CBX3: variants seen among roughly 807,000 people sequenced by gnomAD.
CBX3 encodes chromobox protein homolog 3.
CBX3 carries 5 observed loss-of-function variants against 22.6 expected under a neutral mutation model. That is an observed-to-expected ratio of 0.22 (90% CI 0.12 to 0.47). The LOEUF (loss-of-function observed/expected upper bound fraction) is 0.47. CBX3 is among the 20% of genes least tolerant of loss of function. The pLI is 0.99. For missense variants in CBX3, 83 were observed against 208.1 expected (o/e 0.40, Z 3.70); for synonymous variants, 50 against 66.6 (o/e 0.75, Z 1.21).
At chr7:26,209,066 C>T (rs375917183) in intron 4 of CBX3, among the ~76,000 whole-genome samples, 1 of 150,782 alleles carries the variant, frequency 6.6e-6, no homozygotes. Context: ...ACCACCACAC[C>T]CAGCTGGTTT....
chr7:26,204,578 C>T (rs772029221), intron 2 of CBX3, among the ~76,000 whole-genome samples: 3 of 152,078 alleles, frequency 2.0e-5, no homozygotes, highest in Non-Finnish European at 4.4e-5. Context: ...TATGTGTTAC[C>T]TATATGCTTG....
chr7:26,211,933 G>A (rs1784809326), intron 5 of CBX3, 149 bp from the exon 6 acceptor site: 2 of 866,370 alleles, frequency 2.3e-6, no homozygotes, highest in Non-Finnish European at 3.4e-6. Flanking sequence ...TTTTGAAAAT[G>A]AAGTTTATTA....
intron 3 of CBX3, chr7:26,208,098 A>T (rs1784721176): frequency 9.7e-6 from 2 of 205,810 alleles, no homozygotes; most frequent in African/African-American, 2.3e-5. Flanking sequence ...ATGGTGGTGC[A>T]TGCCTGTAGT....
chr7:26,204,694 GTTC>G (rs1225648655), intron 2 of CBX3, among the ~76,000 whole-genome samples: 4 of 152,254 alleles, frequency 2.6e-5, no homozygotes, highest in African/African-American at 9.6e-5. Context: ...GCCTTGAGGT[GTTC>G]TTAACTTTTT....
chr7:26,208,376 T>C lies in CBX3; in HGVS notation c.168-17T>C, dbSNP rs759188575. On this transcript the variant is annotated splice_polypyrimidine_tract_variant and intron_variant, in intron 3 of 5. Coordinates refer to ENST00000396386, the MANE Select transcript of CBX3 (RefSeq NM_016587.4). ...TTAATTCAATCACCTTTTTTTTTTT[T>C]AATAAACTAAACACAGTGCTGACAA... is the stretch of plus-strand genomic sequence containing the variant. The C allele has an allele frequency of 9.8e-6, 15 of 1,535,128 alleles. No homozygotes were observed. In the Admixed American group the frequency reaches 3.1e-4, roughly 32 times the overall value.
At chr7:26,204,576 A>G (rs982312857) in intron 2 of CBX3, among the ~76,000 whole-genome samples, 2 of 152,098 alleles carry the variant, frequency 1.3e-5, no homozygotes, top group Non-Finnish European at 2.9e-5. Context: ...TGTATGTGTT[A>G]CCTATATGCT....
rs59657982 is a variant in CBX3, at chr7:26,208,917, CTTTTTTTTTTTT to C, written c.330+385_330+396del. ...GTAGGCATGAGCCACCACGCCTGGC[CTTTTTTTTTTTT>C]TTTTTTTTTTTTTTTTTTTTTTCCT... On this transcript the variant is annotated intron_variant, in intron 4 of 5. Coordinates refer to ENST00000396386, the MANE Select transcript of CBX3 (RefSeq NM_016587.4). Among the ~76,000 whole-genome samples the C allele has an allele frequency of 7.9e-3, 222 of 27,928 alleles. 2 individuals carry two copies. Among genetic ancestry groups the C allele is most frequent in the African/African-American group, 0.028 (160 of 5,720 alleles). 18.3% of individuals were successfully genotyped at this position (27,928 alleles called of 152,430 possible).
At chr7:26,207,012 T>C (rs1169477105) in intron 3 of CBX3, among the ~76,000 whole-genome samples, 1 of 152,244 alleles carries the variant, frequency 6.6e-6, no homozygotes, top group Non-Finnish European at 1.5e-5. Context: ...CTCTCATTAT[T>C]CTTGATAATG....
chr7:26,211,826 T>A, intron 5 of CBX3, 70 bp downstream of exon 5: 1 of 1,199,396 alleles, frequency 8.3e-7, no homozygotes, highest in Non-Finnish European at 1.2e-6. Context: ...GAAATGGTTT[T>A]TCATCATTAG....
intron 1 of CBX3, 55 bp from the exon 2 acceptor site, chr7:26,202,916 T>C: frequency 9.2e-7 from 1 of 1,083,520 alleles, no homozygotes; most frequent in South Asian, 1.3e-5. Flanking sequence ...AATTTGTATT[T>C]AGTTACCTTT....
chr7:26,205,507 C>A (rs1303751463), intron 2 of CBX3, among the ~76,000 whole-genome samples: 2 of 152,170 alleles, frequency 1.3e-5, no homozygotes, highest in Non-Finnish European at 2.9e-5. Context: ...AATTGAACCT[C>A]CTAGTGGTCT....
Position 26,212,582 on chromosome 7 carries a change from T to TGTGTGTGTG in CBX3, c.*374_*375insGTGTGTGTG, listed in dbSNP as rs1554340734. 1.8e-5 allele frequency: 2 copies of TGTGTGTGTG among 109,072 alleles called. No individual in the cohort carries two copies. Among genetic ancestry groups the TGTGTGTGTG allele is most frequent in the Admixed American group, 2.1e-4 (2 of 9,324 alleles). 6.8% of individuals were successfully genotyped at this position (109,072 alleles called of 1,614,324 possible). On this transcript the variant is annotated 3_prime_UTR_variant, in exon 6 of 6. Coordinates refer to ENST00000396386, the MANE Select transcript of CBX3 (RefSeq NM_016587.4). ...CCATTCTAGATTTATTACGTGTTTT[T>TGTGTGTGTG]TGTGTGTGTGTGTGTGTGTGTGTGT...
At position 26,213,133 on chromosome 7, in the gene CBX3, A is replaced by G. The variant is rs1182370788; in HGVS notation, c.*925A>G. ...GGCAGTTTAGGACCTGCTGTCATAA[A>G]TGTGTGAACAACCTTTTGTAACCTA... On this transcript the variant is annotated 3_prime_UTR_variant, in exon 6 of 6. Coordinates refer to ENST00000396386, the MANE Select transcript of CBX3 (RefSeq NM_016587.4). 2.0e-5 allele frequency: 3 copies of G among 152,620 alleles called. No individual in the cohort carries two copies. The highest frequency in any genetic ancestry group is 4.4e-5 in the Non-Finnish European group (3 of 68,056). The allele number at this position is 152,620 out of a possible 1,614,324, so 9.5% of individuals were successfully genotyped here. A position where few individuals can be genotyped will look rare whatever the true frequency, so the allele number is the denominator to read the frequency against.
In CBX3 at chr7:26,210,903, A is replaced by T. The variant is rs577762508; in HGVS notation, c.331-759A>T. On this transcript the variant is annotated intron_variant, in intron 4 of 5. Transcript: ENST00000396386. Reference sequence around the variant, plus strand: ...AGGGGGCCTTACACAACCCCCTCCCAAAAAGGACTCTGGAATCCCCAGTGA... The same window carrying T: ...AGGGGGCCTTACACAACCCCCTCCCTAAAAGGACTCTGGAATCCCCAGTGA... Among the ~76,000 whole-genome samples the T allele has an allele frequency of 8.5e-5, 13 of 152,228 alleles. No individual in the cohort carries two copies. In the South Asian group the frequency reaches 2.7e-3, roughly 32 times the overall value.
rs745838294 is a variant in CBX3, at chr7:26,206,487, C to T, written c.144C>T (p.Phe48=). ...TAGTGAATGGGAAAGTGGAATATTT[C>T]CTGAAGTGGAAGGGATTTACAGAGT... ...RRVVNGKVEY[F]LKWKGFTDAD... is the part of the protein sequence containing the mutation. Residue 48 remains phenylalanine (F), a synonymous_variant, in exon 3 of 6, where the codon TTC becomes TTT. Transcript: ENST00000396386. The T allele has an allele frequency of 3.1e-6, 5 of 1,613,764 alleles. No homozygotes were observed. Among genetic ancestry groups the T allele is most frequent in the Non-Finnish European group, 4.2e-6 (5 of 1,179,852 alleles).
intron 1 of CBX3, chr7:26,202,764 A>C (rs1323183494): frequency 1.9e-6 from 1 of 531,090 alleles, no homozygotes; most frequent in East Asian, 3.3e-5. Context: ...CAGGATCCCC[A>C]GTAAAGTCTT....
chr7:26,204,831 C>G (rs1259744298), intron 2 of CBX3, among the ~76,000 whole-genome samples: 1 of 152,058 alleles, frequency 6.6e-6, no homozygotes, highest in East Asian at 1.9e-4. Context: ...CTCTTGTTGT[C>G]CAGGCTAGAG....
At chr7:26,209,196 CACACCAAGCCCA>C (rs1784750837) in intron 4 of CBX3, among the ~76,000 whole-genome samples, 1 of 152,112 alleles carries the variant, frequency 6.6e-6, no homozygotes, top group Non-Finnish European at 1.5e-5. Context: ...CGTGAACCAC[CACACCAAGCCCA>C]CCTTTGACGA....
Position 26,213,589 on chromosome 7 carries a change from A to G in CBX3, c.*1381A>G, listed in dbSNP as rs1406142426. Among the ~76,000 whole-genome samples, 2 of 152,172 alleles carry G rather than the reference A, an allele frequency of 1.3e-5. No individual in the cohort carries two copies. Among genetic ancestry groups the G allele is most frequent in the Non-Finnish European group, 2.9e-5 (2 of 68,028 alleles). On this transcript the variant is annotated 3_prime_UTR_variant, in exon 6 of 6. Coordinates refer to ENST00000396386, the MANE Select transcript of CBX3 (RefSeq NM_016587.4). The stretch of plus-strand genomic sequence containing the variant: ...TGCCTAGGGTCAATTGTCTCATTAA[A>G]ATGAGGTTTTAAATTCTGGTTTGTT...
Sources: gnomAD v4.1 joint callset for allele counts (sites outside exome capture counted in the v4.1 genomes callset) on GRCh38, gnomAD v4.1.1 for gene constraint, MANE v1.5 for transcripts, NCBI Gene and HGNC (gene_info 2026-07-23, HGNC 2026-07-21) for gene names.